NRG3: variants seen among roughly 807,000 people sequenced by gnomAD.
NRG3 encodes pro-neuregulin-3, membrane-bound isoform.
Under a neutral mutation model 66.9 loss-of-function variants are expected in NRG3, and 31 were observed. The ratio of observed to expected loss-of-function variants is 0.46; its 90% CI spans 0.35 to 0.63. The LOEUF (loss-of-function observed/expected upper bound fraction) is 0.63, where lower values mean the gene tolerates loss of function less well. NRG3 is among the 20% of genes least tolerant of loss of function. The probability of loss-of-function intolerance (pLI) is 0.00; values close to 1 mark genes in which losing one functional copy is unlikely to be tolerated. For synonymous variants in NRG3, 393 were observed against 359.4 expected (o/e 1.09, Z -1.06); for missense variants, 910 against 878.9 (o/e 1.04, Z -0.45).
chr10:82,376,700 G>A (rs556389642), intron 2 of NRG3, among the ~76,000 whole-genome samples: 3 of 152,160 alleles, frequency 2.0e-5, no homozygotes, highest in Non-Finnish European at 4.4e-5. Flanking sequence ...TCACCTTCAA[G>A]TTACCTGTTA....
At chr10:82,461,214 T>C (rs1035895414) in intron 2 of NRG3, among the ~76,000 whole-genome samples, 13 of 150,470 alleles carry the variant, frequency 8.6e-5, no homozygotes, top group African/African-American at 9.8e-5. Context: ...ATTAACACCA[T>C]TACCACCATC....
chr10:82,985,284 A>G lies in NRG3; in HGVS notation c.1770A>G (p.Pro590=), dbSNP rs17101196. The change falls in exon 9 of 9, where the codon CCA becomes CCG. Residue 590 remains proline (P), a synonymous_variant. Transcript: ENST00000372141. ...VGLEETCLQM[P]GISEVKSIKW... is the part of the protein sequence containing the mutation. ...TAGAGGAAACCTGCCTGCAAATGCC[A>G]GGGATTTCTGAAGTCAAAAGCATCA... 113,179 of 1,614,052 alleles carry G rather than the reference A, an allele frequency of 0.07. 4,980 individuals are homozygous for G. The highest frequency in any genetic ancestry group is 0.17 in the Admixed American group (10,018 of 60,006).
chr10:82,122,807 T>G (rs1477080807), intron 1 of NRG3, among the ~76,000 whole-genome samples: 21 of 152,178 alleles, frequency 1.4e-4, no homozygotes, highest in Admixed American at 1.4e-3. Context: ...TTCAACTCTC[T>G]TATTAATTTC....
At chr10:81,961,869 C>T (rs1437167067) in intron 1 of NRG3, among the ~76,000 whole-genome samples, 1 of 152,244 alleles carries the variant, frequency 6.6e-6, no homozygotes, top group African/African-American at 2.4e-5. Context: ...CAGTAGCCGA[C>T]GTTTTTGGTA....
chr10:82,263,716 T>C (rs2078154582), intron 1 of NRG3, among the ~76,000 whole-genome samples: 1 of 152,204 alleles, frequency 6.6e-6, no homozygotes, highest in Admixed American at 6.5e-5. Context: ...ATGTATAATT[T>C]AACCTTCCCT....
intron 4 of NRG3, among the ~76,000 whole-genome samples, chr10:82,881,451 C>T (rs1444006104): frequency 1.3e-5 from 2 of 152,204 alleles, no homozygotes. Context: ...CAGTCACAAA[C>T]ATGCTTGTAT....
intron 4 of NRG3, among the ~76,000 whole-genome samples, chr10:82,883,854 A>T (rs899002076): frequency 3.3e-5 from 5 of 152,062 alleles, no homozygotes; most frequent in Admixed American, 6.5e-5. Context: ...AATGATCCAA[A>T]GTATCCTGAT....
chr10:82,022,067 C>G (rs951333679), intron 1 of NRG3, among the ~76,000 whole-genome samples: 12 of 151,658 alleles, frequency 7.9e-5, no homozygotes, highest in Admixed American at 7.2e-4. Flanking sequence ...ATCACTGATT[C>G]ATTTACACAT....
At chr10:82,605,047 G>A (rs2790703) in intron 2 of NRG3, among the ~76,000 whole-genome samples, 88,526 of 151,690 alleles carry the variant, frequency 0.58, 28,396 homozygotes, top group African/African-American at 0.85. Flanking sequence ...TTTTTCTTGT[G>A]TCAGTGGATT....
At chr10:82,525,153 C>G (rs1846572177) in intron 2 of NRG3, among the ~76,000 whole-genome samples, 1 of 151,496 alleles carries the variant, frequency 6.6e-6, no homozygotes, top group South Asian at 2.1e-4. Context: ...AAAAGCATAA[C>G]AAATCTAAAA....
At chr10:82,283,051 G>A (rs1201062232) in intron 1 of NRG3, among the ~76,000 whole-genome samples, 11 of 152,006 alleles carry the variant, frequency 7.2e-5, no homozygotes, top group Non-Finnish European at 1.6e-4. Flanking sequence ...AGAGCTCATG[G>A]CACTTAACAC....
chr10:82,431,625 C>A (rs963511818), intron 2 of NRG3, among the ~76,000 whole-genome samples: 2 of 152,118 alleles, frequency 1.3e-5, no homozygotes, highest in Non-Finnish European at 2.9e-5. Flanking sequence ...AAGTCTACAA[C>A]TGCCTTGATA....
chr10:82,761,711 G>T (rs2059309470), intron 3 of NRG3, among the ~76,000 whole-genome samples: 1 of 151,694 alleles, frequency 6.6e-6, no homozygotes, highest in Non-Finnish European at 1.5e-5. Context: ...AGTTTGGCTT[G>T]TAATAATTCC....
intron 5 of NRG3, among the ~76,000 whole-genome samples, chr10:82,958,678 T>C (rs572321496): frequency 1.3e-5 from 2 of 152,302 alleles, no homozygotes; most frequent in Admixed American, 6.5e-5. Flanking sequence ...ACTTCTTGCA[T>C]CTATGGGGGC....
At chr10:81,997,832 A>G (rs1292768391) in intron 1 of NRG3, among the ~76,000 whole-genome samples, 1 of 149,090 alleles carries the variant, frequency 6.7e-6, no homozygotes, top group Non-Finnish European at 1.5e-5. Flanking sequence ...ATATTTGTCT[A>G]TATGTCTGCC....
At chr10:81,909,216 G>C (rs1844883704) in intron 1 of NRG3, among the ~76,000 whole-genome samples, 1 of 152,066 alleles carries the variant, frequency 6.6e-6, no homozygotes. Context: ...GTGCATCTAT[G>C]TTTCTATGTT....
intron 1 of NRG3, among the ~76,000 whole-genome samples, chr10:82,155,474 C>T (rs1287168923): frequency 6.6e-6 from 1 of 151,740 alleles, no homozygotes; most frequent in African/African-American, 2.4e-5. Flanking sequence ...ATGAAAGAGA[C>T]ATAAGGAAAC....
intron 1 of NRG3, among the ~76,000 whole-genome samples, chr10:82,306,065 A>G (rs1484302211): frequency 6.6e-6 from 1 of 152,222 alleles, no homozygotes; most frequent in Non-Finnish European, 1.5e-5. Context: ...TTGTTGAACT[A>G]TGCCAAATGT....
intron 2 of NRG3, among the ~76,000 whole-genome samples, chr10:82,551,325 G>A (rs1368676837): frequency 1.3e-5 from 2 of 151,900 alleles, no homozygotes; most frequent in Non-Finnish European, 2.9e-5. Context: ...CATACACTTT[G>A]TATTTAAAAA....
Sources: gnomAD v4.1 joint callset for allele counts (sites outside exome capture counted in the v4.1 genomes callset) on GRCh38, gnomAD v4.1.1 for gene constraint, MANE v1.5 for transcripts, NCBI Gene and HGNC (gene_info 2026-07-23, HGNC 2026-07-21) for gene names.